The following ZC3H12B variants were observed in gnomAD, a reference collection of about 807,000 sequenced individuals.
ZC3H12B encodes the protein zinc finger CCCH-type containing 12B.
ZC3H12B carries 7 observed loss-of-function variants against 43.9 expected under a neutral mutation model. The ratio of observed to expected loss-of-function variants is 0.16; its 90% confidence interval spans 0.09 to 0.30. The LOEUF (loss-of-function observed/expected upper bound fraction) is 0.30, where lower values mean the gene tolerates loss of function less well. Among genes scored for constraint, ZC3H12B ranks in the 10% least tolerant of loss-of-function variants. ZC3H12B has a pLI of 1.00. For missense variants in ZC3H12B, 475 were observed against 670.2 expected, an observed-to-expected ratio of 0.71 and a Z score of 3.22; for synonymous variants, 222 against 241.7, an observed-to-expected ratio of 0.92 and a Z score of 0.76.
chrX:65,431,726 A>G (rs2067164025), intron 3 of ZC3H12B, among the ~76,000 whole-genome samples: 1 of 112,003 alleles, frequency 8.9e-6, no homozygotes, highest in Non-Finnish European at 1.9e-5. Flanking sequence ...TTTGTCACCA[A>G]TTTCTCAATC....
the ZC3H12B span, among the ~76,000 whole-genome samples, chrX:65,164,327 T>C: frequency 1.8e-5 from 2 of 111,248 alleles, no homozygotes; most frequent in Non-Finnish European, 3.8e-5. Context: ...TTTGGTGTGG[T>C]TAATGGGCTG....
chrX:65,152,860 G>A, the ZC3H12B span, among the ~76,000 whole-genome samples: 4 of 111,812 alleles, frequency 3.6e-5, no homozygotes, highest in East Asian at 2.8e-4. Flanking sequence ...AACCAAAACA[G>A]CATGGTACTG....
At chrX:65,402,879 A>T (rs1412505227) in intron 3 of ZC3H12B, among the ~76,000 whole-genome samples, 25 of 112,287 alleles carry the variant, frequency 2.2e-4, no homozygotes, top group African/African-American at 8.1e-4. Flanking sequence ...CAGATTGTGA[A>T]AACTAAAATT....
chrX:65,329,391 G>C, the ZC3H12B span, among the ~76,000 whole-genome samples: 1 of 109,213 alleles, frequency 9.2e-6, no homozygotes, highest in Non-Finnish European at 1.9e-5. Context: ...CTTTTTGATG[G>C]GGTTGTTTGT....
intron 3 of ZC3H12B, among the ~76,000 whole-genome samples, chrX:65,471,640 G>A (rs1285395960): frequency 1.8e-5 from 2 of 108,365 alleles, no homozygotes; most frequent in African/African-American, 6.7e-5. Flanking sequence ...TAGTAGAGAC[G>A]GGGTTTCACC....
chrX:65,469,481 CA>C, intron 3 of ZC3H12B: 1 of 385,173 alleles, frequency 2.6e-6, no homozygotes, highest in South Asian at 4.6e-5. Context: ...CTGGCTGCCA[CA>C]AAAACAAATT....
chrX:65,220,837 C>T, the ZC3H12B span, among the ~76,000 whole-genome samples: 1 of 111,283 alleles, frequency 9.0e-6, no homozygotes, highest in Non-Finnish European at 1.9e-5. Context: ...AAATTATACC[C>T]TAGAAAAAAT....
chrX:65,221,439 A>G, the ZC3H12B span, among the ~76,000 whole-genome samples: 1 of 111,830 alleles, frequency 8.9e-6, no homozygotes, highest in Non-Finnish European at 1.9e-5. Flanking sequence ...TTGACAGACC[A>G]TTCACAAAAT....
chrX:65,213,380 A>G, the ZC3H12B span, among the ~76,000 whole-genome samples: 1 of 111,323 alleles, frequency 9.0e-6, no homozygotes, highest in African/African-American at 3.3e-5. Flanking sequence ...ATGTGTCCCA[A>G]TACTCTGTGA....
At chrX:65,202,062 T>A in the ZC3H12B span, among the ~76,000 whole-genome samples, 5 of 87,938 alleles carry the variant, frequency 5.7e-5, no homozygotes, top group Non-Finnish European at 1.1e-4. Flanking sequence ...ATATTATATG[T>A]AATATATATA....
intron 3 of ZC3H12B, among the ~76,000 whole-genome samples, chrX:65,400,376 C>A (rs1049066917): frequency 2.0e-4 from 22 of 110,898 alleles, no homozygotes; most frequent in Admixed American, 1.5e-3. Flanking sequence ...GTCATCAGAT[C>A]TATGCCTCAT....
chrX:65,380,044 T>A (rs916268131), intron 2 of ZC3H12B, among the ~76,000 whole-genome samples: 5 of 111,967 alleles, frequency 4.5e-5, no homozygotes, highest in Non-Finnish European at 9.4e-5. Flanking sequence ...CAGGATATTA[T>A]CCAAGAGAAA....
At chrX:65,476,217 G>T (rs930142332) in intron 3 of ZC3H12B, among the ~76,000 whole-genome samples, 37 of 110,307 alleles carry the variant, frequency 3.4e-4, no homozygotes, top group African/African-American at 1.2e-3. Context: ...TTTTCTCACT[G>T]CCCCTTCTGA....
chrX:65,098,770 C>A, the ZC3H12B span, among the ~76,000 whole-genome samples: 3 of 111,304 alleles, frequency 2.7e-5, no homozygotes, highest in Non-Finnish European at 5.7e-5. Context: ...GCCTACATCA[C>A]CAGGGCCCTG....
intron 3 of ZC3H12B, among the ~76,000 whole-genome samples, chrX:65,448,983 A>AAGAAAG (rs1556209522): frequency 2.5e-4 from 24 of 95,249 alleles, no homozygotes; most frequent in African/African-American, 1.1e-3. Context: ...AAGAAAGAGA[A>AAGAAAG]AGAAAGAAAG....
the ZC3H12B span, among the ~76,000 whole-genome samples, chrX:65,058,678 A>G: frequency 8.9e-6 from 1 of 111,861 alleles, no homozygotes; most frequent in African/African-American, 3.3e-5. Flanking sequence ...ACAGAGGTGG[A>G]GTCTACAGAG....
intron 1 of ZC3H12B, among the ~76,000 whole-genome samples, chrX:65,492,975 T>C (rs889868670): frequency 9.0e-6 from 1 of 110,795 alleles, no homozygotes; most frequent in African/African-American, 3.3e-5. Context: ...TGGGGGTTCA[T>C]GCCCGTAGTC....
At chrX:65,232,425 A>G in the ZC3H12B span, among the ~76,000 whole-genome samples, 1 of 111,514 alleles carries the variant, frequency 9.0e-6, no homozygotes, top group African/African-American at 3.3e-5. Context: ...TGAAAAAAGA[A>G]CAAAAAGTCA....
At chrX:65,414,667 G>T (rs780211345) in intron 3 of ZC3H12B, among the ~76,000 whole-genome samples, 34 of 111,209 alleles carry the variant, frequency 3.1e-4, no homozygotes, top group Non-Finnish European at 3.0e-4. Context: ...TCTACAAGGA[G>T]TATGGCCTTC....
Sources: allele counts gnomAD v4.1 joint callset (sites outside exome capture counted in the v4.1 genomes callset), GRCh38; gene constraint gnomAD v4.1.1; transcripts MANE v1.5; gene names NCBI Gene and HGNC (gene_info 2026-07-23, HGNC 2026-07-21).